ERC1: variants seen among roughly 807,000 people sequenced by gnomAD.
ERC1 encodes the protein RAB6 interacting protein 2.
Under a neutral mutation model 132.0 loss-of-function variants are expected in ERC1, and 56 were observed. That is an observed-to-expected ratio of 0.42 (90% confidence interval 0.34 to 0.53). The LOEUF (loss-of-function observed/expected upper bound fraction) is 0.53, where lower values mean the gene tolerates loss of function less well. Among genes scored for constraint, ERC1 ranks in the 20% least tolerant of loss-of-function variants. The pLI, the probability that ERC1 is intolerant of heterozygous loss-of-function variation, is 0.03. For synonymous variants in ERC1, 478 were observed against 476.1 expected, an observed-to-expected ratio of 1.00 and a Z score of -0.05; for missense variants, 1,202 against 1,349.9, an observed-to-expected ratio of 0.89 and a Z score of 1.72.
rs142737797 is a variant in ERC1, at chr12:1,321,357, T to C, written c.2780+31345T>C. Among the ~76,000 whole-genome samples, 242 of 152,324 alleles carry C rather than the reference T, an allele frequency of 1.6e-3. 1 individual carries two copies. Among genetic ancestry groups the C allele is most frequent in the African/African-American group, 5.6e-3 (234 of 41,580 alleles). ...GTGTGTGTGTGTATATTTTGCTCTA[T>C]ATTGTGCCATATGTGGCACAGATAT... On this transcript the variant is annotated intron_variant, in intron 15 of 18. Transcript: ENST00000360905.
intron 12 of ERC1, among the ~76,000 whole-genome samples, chr12:1,231,440 AT>A (rs1024217244): frequency 3.3e-5 from 5 of 152,182 alleles, no homozygotes; most frequent in African/African-American, 1.2e-4. Context: ...GCTAGTTAAA[AT>A]TGATTTATGT....
chr12:1,082,715 C>T (rs2154188933), intron 2 of ERC1, among the ~76,000 whole-genome samples: 1 of 151,466 alleles, frequency 6.6e-6, no homozygotes, highest in East Asian at 2.0e-4. Flanking sequence ...GTCTTGAACT[C>T]CTGACCTCAG....
At chr12:1,462,543 A>G (rs753362708) in intron 18 of ERC1, among the ~76,000 whole-genome samples, 43 of 152,240 alleles carry the variant, frequency 2.8e-4, no homozygotes, top group Admixed American at 5.2e-4. Context: ...CTTCAGAAAC[A>G]CTGTGTTAAG....
At position 1,480,911 on chromosome 12, in the gene ERC1, A is replaced by G. The variant is rs568745420; in HGVS notation, c.3214-9182A>G. 18 of 702,568 alleles carry G rather than the reference A, an allele frequency of 2.6e-5. No homozygotes were observed. In the Admixed American group the frequency reaches 3.4e-4, roughly 13 times the overall value. 43.5% of individuals were successfully genotyped at this position (702,568 alleles called of 1,614,324 possible). ...TGTGATGCTCATGGTAAGGAAATGC[A>G]GACGCCCCCAGACGTCCCCCTTACT... On this transcript the variant is annotated intron_variant, in intron 18 of 18. Transcript: ENST00000360905.
chr12:1,137,802 G>A (rs1187386436), intron 7 of ERC1, among the ~76,000 whole-genome samples: 2 of 150,958 alleles, frequency 1.3e-5, no homozygotes, highest in African/African-American at 4.9e-5. Flanking sequence ...ACAGTGAGCC[G>A]AGATTGCGCC....
At chr12:1,013,900 TA>T (rs1299607091) in intron 1 of ERC1, among the ~76,000 whole-genome samples, 3 of 151,320 alleles carry the variant, frequency 2.0e-5, no homozygotes, top group Non-Finnish European at 3.0e-5. Context: ...CCTGGCTAAT[TA>T]AAAAAAAAGT....
intron 16 of ERC1, chr12:1,380,852 C>T (rs995844834): frequency 6.6e-6 from 1 of 152,208 alleles, no homozygotes; most frequent in Non-Finnish European, 1.5e-5. Flanking sequence ...GATAAAACAG[C>T]AGAGAGCTCC....
chr12:1,111,079 C>A (rs1299789227), intron 5 of ERC1, among the ~76,000 whole-genome samples: 1 of 152,032 alleles, frequency 6.6e-6, no homozygotes. Flanking sequence ...ACGGAAAGCC[C>A]TTTCTTTGCC....
Position 1,495,287 on chromosome 12 carries a change from C to G in ERC1, c.*5057C>G, listed in dbSNP as rs2094348541. On this transcript the variant is annotated 3_prime_UTR_variant, in exon 19 of 19. Transcript: ENST00000360905. ...TGCAATCCAGGTGGAACAGACTGTCCTCCATGTCAGTTCCTTCTGGCTTCA... is the reference window on the plus strand; with the variant it reads ...TGCAATCCAGGTGGAACAGACTGTCGTCCATGTCAGTTCCTTCTGGCTTCA... 4.3e-6 allele frequency: 1 copy of G among 229,942 alleles called. No homozygotes were observed. Among genetic ancestry groups the G allele is most frequent in the Non-Finnish European group, 8.6e-6 (1 of 115,962 alleles). 14.2% of individuals were successfully genotyped at this position (229,942 alleles called of 1,614,324 possible). A position where few individuals can be genotyped will look rare whatever the true frequency, so the allele number is the denominator to read the frequency against.
At chr12:1,372,814 G>T (rs1319313411) in intron 16 of ERC1, among the ~76,000 whole-genome samples, 1 of 152,196 alleles carries the variant, frequency 6.6e-6, no homozygotes, top group African/African-American at 2.4e-5. Context: ...ATGAGACCGA[G>T]AAAGAGCTTT....
chr12:1,408,774 T>G (rs1459738667), intron 17 of ERC1, among the ~76,000 whole-genome samples: 1 of 152,226 alleles, frequency 6.6e-6, no homozygotes, highest in African/African-American at 2.4e-5. Context: ...TAAGGAAAAT[T>G]GTTGCCTTCA....
At position 1,243,467 on chromosome 12, in the gene ERC1, A is replaced by G. The variant is rs2075965040; in HGVS notation, c.2487+6563A>G. On this transcript the variant is annotated intron_variant, in intron 13 of 18. Coordinates refer to ENST00000360905, the MANE Select transcript of ERC1 (RefSeq NM_178040.4). ...AGGTGCTATGTAGGGATGTAATGAA[A>G]CGTGAGAGATACTGAGGTCCTACTG... is the stretch of plus-strand genomic sequence containing the variant. 2.6e-5 allele frequency among the ~76,000 whole-genome samples: 4 copies of G among 151,970 alleles called. No homozygotes were observed. In the South Asian group the frequency reaches 8.3e-4, roughly 32 times the overall value.
At chr12:1,231,443 G>T (rs1355129716) in intron 12 of ERC1, among the ~76,000 whole-genome samples, 1 of 152,086 alleles carries the variant, frequency 6.6e-6, no homozygotes, top group Non-Finnish European at 1.5e-5. Flanking sequence ...AGTTAAAATT[G>T]ATTTATGTAC....
intron 7 of ERC1, among the ~76,000 whole-genome samples, chr12:1,121,474 A>G (rs964143517): frequency 1.3e-5 from 2 of 152,242 alleles, no homozygotes; most frequent in Admixed American, 1.3e-4. Flanking sequence ...ATTTAGGTTG[A>G]TGGAATTACA....
intron 2 of ERC1, among the ~76,000 whole-genome samples, chr12:1,058,483 T>C (rs1440429796): frequency 6.6e-6 from 1 of 152,210 alleles, no homozygotes; most frequent in African/African-American, 2.4e-5. Context: ...TTGGCTCTTT[T>C]GTTGAAAATC....
At chr12:1,092,373 TC>T (rs147152199) in intron 3 of ERC1, among the ~76,000 whole-genome samples, 4,821 of 152,336 alleles carry the variant, frequency 0.032, 151 homozygotes, top group African/African-American at 0.073. Context: ...ACACTTGGTG[TC>T]ATGTTAACAG....
At chr12:1,201,538 T>C (rs1956915790) in intron 12 of ERC1, among the ~76,000 whole-genome samples, 1 of 152,236 alleles carries the variant, frequency 6.6e-6, no homozygotes, top group Non-Finnish European at 1.5e-5. Flanking sequence ...TTTGTTTATT[T>C]AGGTTGACCA....
intron 7 of ERC1, among the ~76,000 whole-genome samples, chr12:1,117,032 A>G (rs998486058): frequency 3.3e-5 from 5 of 152,222 alleles, no homozygotes; most frequent in African/African-American, 7.2e-5. Flanking sequence ...CTTACTTTCA[A>G]TGATCGAAGA....
intron 13 of ERC1, among the ~76,000 whole-genome samples, chr12:1,260,986 G>GTACA (rs1207380538): frequency 6.6e-6 from 1 of 152,158 alleles, no homozygotes; most frequent in Non-Finnish European, 1.5e-5. Context: ...AGCTCATGGA[G>GTACA]TACACTCTGG....
Sources: allele counts gnomAD v4.1 joint callset (sites outside exome capture counted in the v4.1 genomes callset), GRCh38; gene constraint gnomAD v4.1.1; transcripts MANE v1.5; gene names NCBI Gene and HGNC (gene_info 2026-07-23, HGNC 2026-07-21).